GLB1L: variants seen among roughly 807,000 people sequenced by gnomAD.
GLB1L encodes the protein galactosidase beta 1 like, also known as beta-galactosidase-1-like protein.
In GLB1L, 58 loss-of-function variants were observed where a neutral mutation model predicts 75.7. That is an observed-to-expected ratio of 0.77 (90% CI 0.62 to 0.95). GLB1L has a LOEUF of 0.95. Ranked by LOEUF, GLB1L falls within the 40% of genes least tolerant of loss-of-function variation. The pLI, the probability that GLB1L is intolerant of heterozygous loss-of-function variation, is 0.00. For synonymous variants in GLB1L, 296 were observed against 303.0 expected, an observed-to-expected ratio of 0.98 and a Z score of 0.24; for missense variants, 797 against 805.5, an observed-to-expected ratio of 0.99 and a Z score of 0.13.
intron 15 of GLB1L, 46 bp downstream of exon 15, chr2:219,237,780 T>G (rs111453996): frequency 1.9e-6 from 3 of 1,612,940 alleles, no homozygotes; most frequent in Admixed American, 1.7e-5. Context: ...GAAGCTAAGT[T>G]ATCCTTAATC....
chr2:219,237,987 G>T (rs752975436), intron 14 of GLB1L, 30 bp from the exon 15 acceptor site: 6 of 1,611,890 alleles, frequency 3.7e-6, no homozygotes, highest in African/African-American at 1.3e-5. Context: ...TAGGAGCAAG[G>T]CTCAGCATCT....
In GLB1L at chr2:219,236,841, T is replaced by A. The variant is rs1216128535; in HGVS notation, c.*231A>T. ...GTGCAGTGGTACAACCTCCACTCACTGCAACCTCTGCCTCCTGGATTCAAG... is the reference window on the plus strand; with the variant it reads ...GTGCAGTGGTACAACCTCCACTCACAGCAACCTCTGCCTCCTGGATTCAAG... On this transcript the variant is annotated 3_prime_UTR_variant, in exon 17 of 17. Transcript: ENST00000295759. 2 of 378,296 alleles carry A rather than the reference T, an allele frequency of 5.3e-6. No individual in the cohort carries two copies. Among genetic ancestry groups the A allele is most frequent in the African/African-American group, 4.5e-5 (2 of 44,508 alleles). The allele number at this position is 378,296 out of a possible 1,614,324, so 23.4% of individuals were successfully genotyped here. A position where few individuals can be genotyped will look rare whatever the true frequency, so the allele number is the denominator to read the frequency against.
rs1199848912 is a variant in GLB1L at position 219,243,294 on chromosome 2, T to C, written c.93A>G (p.Val31=). 3.1e-6 allele frequency: 5 copies of C among 1,601,690 alleles called. No individual in the cohort carries two copies. The East Asian group carries it at 9.0e-5, about 29-fold the overall frequency. ...LLPQADTRSF[V]VDRGHDRFLL... The stretch of plus-strand genomic sequence containing the variant: ...GAAACCGGTCATGACCCCTATCCAC[T>C]ACGAACGACCGAGTGTCTGCCTATA... Residue 31 remains valine (V), a synonymous_variant, in exon 3 of 17, where the codon GTA becomes GTG. Transcript: ENST00000295759.
At position 219,236,863 on chromosome 2, in the gene GLB1L, C is replaced by G; in HGVS notation, c.*209G>C. 2.4e-6 allele frequency: 1 copy of G among 410,958 alleles called. No individual in the cohort carries two copies. The highest frequency in any genetic ancestry group is 4.4e-6 in the Non-Finnish European group (1 of 228,084). The allele number at this position is 410,958 out of a possible 1,614,324, so 25.5% of individuals were successfully genotyped here. A position where few individuals can be genotyped will look rare whatever the true frequency, so the allele number is the denominator to read the frequency against. On this transcript the variant is annotated 3_prime_UTR_variant, in exon 17 of 17. Transcript: ENST00000295759. ...CACTGCAACCTCTGCCTCCTGGATT[C>G]AAGCAATTCTCCTGCCCTCAGCCTC...
chr2:219,244,000 C>CGGGGGT (rs1951465124), intron 1 of GLB1L: 1 of 12,206 alleles, frequency 8.2e-5, no homozygotes, highest in Non-Finnish European at 1.9e-4. Flanking sequence ...CAAGCTACTC[C>CGGGGGT]GAGGGTGGGG....
rs775801104 is a variant in GLB1L at position 219,237,612 on chromosome 2, G to C, written c.1589C>G (p.Pro530Arg). The C allele has an allele frequency of 4.3e-6, 7 of 1,614,120 alleles. No individual in the cohort carries two copies. In the Admixed American group the frequency reaches 1.2e-4, roughly 27 times the overall value. Residue 530 changes from proline to arginine, a missense_variant, in exon 16 of 17, where the codon CCA becomes CGA. Coordinates refer to ENST00000295759, the MANE Select transcript of GLB1L (RefSeq NM_001286423.2). The stretch of plus-strand genomic sequence containing the variant: ...GGGGCCAGAAGGAGCTTGAGGATAT[G>C]GCCATTTTGGCAACTGGAGGGGAAA... ...WWFPLQLPKWPYPQAPSGPTF... is the reference protein window; with the variant it reads ...WWFPLQLPKWRYPQAPSGPTF...
In GLB1L at chr2:219,237,130, T is replaced by C. The variant is rs1424264364; in HGVS notation, c.1907A>G (p.Asn636Ser). Residue 636 changes from asparagine (N) to serine (S), a missense_variant, in exon 17 of 17, where the codon AAT (asparagine) becomes AGT (serine). Physicochemically the swap from Asn to Ser is conservative, Grantham distance 46. Transcript: ENST00000295759. ...STSTLHRTHI[N>S]SLSADTLSAS... ...ACTCAGTGTATCAGCTGAAAGGGAATTGATATGTGTCCTGTGCAAAGTACT... is the reference window on the plus strand; with the variant it reads ...ACTCAGTGTATCAGCTGAAAGGGAACTGATATGTGTCCTGTGCAAAGTACT... The C allele has an allele frequency of 1.2e-6, 2 of 1,613,592 alleles. No homozygotes were observed. Among genetic ancestry groups the C allele is most frequent in the Non-Finnish European group, 1.7e-6 (2 of 1,179,656 alleles).
chr2:219,238,699 A>G lies in GLB1L; in HGVS notation c.1137+6T>C. Reference sequence around the variant, plus strand: ...GGTATAAGAGAAAAGATGTGGAGGAACTTACCAGGTGCAGAGTCACAGGTC... The same window carrying G: ...GGTATAAGAGAAAAGATGTGGAGGAGCTTACCAGGTGCAGAGTCACAGGTC... On this transcript the variant is annotated splice_donor_region_variant and intron_variant, in intron 12 of 16. Transcript: ENST00000295759. 2 of 1,613,578 alleles carry G rather than the reference A, an allele frequency of 1.2e-6. No individual in the cohort carries two copies. Among genetic ancestry groups the G allele is most frequent in the Non-Finnish European group, 1.7e-6 (2 of 1,179,646 alleles).
In GLB1L at chr2:219,243,549, G is replaced by A. The variant is rs755358793; in HGVS notation, c.25C>T (p.Leu9Phe). 6 of 1,614,114 alleles carry A rather than the reference G, an allele frequency of 3.7e-6. No individual in the cohort carries two copies. In the African/African-American group the frequency reaches 6.7e-5, roughly 18 times the overall value. Residue 9 changes from leucine to phenylalanine, a missense_variant, in exon 2 of 17, where the codon CTT becomes TTT. By Grantham distance (22) the Leu-to-Phe change is conservative. Coordinates refer to ENST00000295759, the MANE Select transcript of GLB1L (RefSeq NM_001286423.2). MAPKKLSC[L>F]RSLLLPLSLT... is the part of the protein sequence containing the mutation. ...CTGAGCGGCAGCAGCAGGGAACGAAGGCAGGACAGCTTCTTGGGAGCCATG... is the reference window on the plus strand; with the variant it reads ...CTGAGCGGCAGCAGCAGGGAACGAAAGCAGGACAGCTTCTTGGGAGCCATG...
chr2:219,238,443 A>G, intron 13 of GLB1L, 52 bp downstream of exon 13: 2 of 1,572,500 alleles, frequency 1.3e-6, no homozygotes, highest in South Asian at 1.1e-5. Context: ...ACTTTTGCGT[A>G]TAGCTGTTAA....
At chr2:219,242,433 G>A in intron 5 of GLB1L, 81 bp downstream of exon 5, 1 of 983,208 alleles carries the variant, frequency 1.0e-6, no homozygotes, top group Non-Finnish European at 1.6e-6. Context: ...TCCAATTTGG[G>A]AATGGTCTCT....
chr2:219,238,106 A>G, intron 14 of GLB1L, 144 bp downstream of exon 14: 1 of 1,045,122 alleles, frequency 9.6e-7, no homozygotes, highest in East Asian at 2.4e-5. Flanking sequence ...CCTTAATCAA[A>G]CTCTTCCTCA....
chr2:219,240,406 C>T (rs568387372), intron 5 of GLB1L, 121 bp from the exon 6 acceptor site: 20 of 817,068 alleles, frequency 2.4e-5, no homozygotes, highest in East Asian at 1.3e-4. Flanking sequence ...TATATTTGCA[C>T]GCCAATGAAA....
chr2:219,240,596 T>C (rs925985967), intron 5 of GLB1L, among the ~76,000 whole-genome samples: 3 of 151,530 alleles, frequency 2.0e-5, no homozygotes, highest in Non-Finnish European at 2.9e-5. Context: ...ACAAAAAAAT[T>C]AGCTGGGCAT....
At chr2:219,242,990 A>T (rs748139670) in intron 3 of GLB1L, 72 bp from the exon 4 acceptor site, 185 of 1,594,508 alleles carry the variant, frequency 1.2e-4, no homozygotes, top group Admixed American at 2.7e-4. Context: ...CAGGCCTTGC[A>T]GGGAATCTCC....
chr2:219,243,151 T>C lies in GLB1L; in HGVS notation c.236A>G (p.Gln79Arg), dbSNP rs1245423284. ...KMRWSGLNAI[Q>R]FYVPWNYHEP... ...GGCTCTTGCGAGCACTTCTTACAAC[T>C]GTATGGCGTTGAGGCCGCTCCATCG... The change falls in exon 3 of 17, where the codon CAG (glutamine) becomes CGG (arginine). Residue 79 changes from glutamine to arginine, a missense_variant. Transcript: ENST00000295759. The C allele has an allele frequency of 6.2e-7, 1 of 1,605,552 alleles. No individual in the cohort carries two copies. The highest frequency in any genetic ancestry group is 8.5e-7 in the Non-Finnish European group (1 of 1,176,036).
rs756552569 is a variant in GLB1L at position 219,237,866 on chromosome 2, A to C, written c.1433T>G (p.Met478Arg). The change falls in exon 15 of 17, where the codon ATG becomes AGG. Residue 478 changes from methionine (M) to arginine (R), a missense_variant. By Grantham distance (91) the Met-to-Arg change is moderately conservative (BLOSUM62 -1). Transcript: ENST00000295759. ...GSKLDILVENMGRLSFGSNSS... is the reference protein window; with the variant it reads ...GSKLDILVENRGRLSFGSNSS... ...GTTAGACCCAAAGCTGAGCCTCCCC[A>C]TGTTCTCCACCAAGATATCCAGTTT... 3.1e-6 allele frequency: 5 copies of C among 1,614,138 alleles called. No individual in the cohort carries two copies. Among genetic ancestry groups the C allele is most frequent in the Non-Finnish European group, 4.2e-6 (5 of 1,180,012 alleles).
At chr2:219,241,203 AC>A (rs1212151507) in intron 5 of GLB1L, among the ~76,000 whole-genome samples, 1 of 151,610 alleles carries the variant, frequency 6.6e-6, no homozygotes, top group African/African-American at 2.4e-5. Context: ...ACACAGTGAA[AC>A]CCCATCTCTA....
chr2:219,242,892 G>C lies in GLB1L; in HGVS notation c.266C>G (p.Pro89Arg), dbSNP rs1351271527. The C allele has an allele frequency of 6.2e-7, 1 of 1,614,228 alleles. No individual in the cohort carries two copies. Among genetic ancestry groups the C allele is most frequent in the South Asian group, 1.1e-5 (1 of 91,090 alleles). The change falls in exon 4 of 17, where the codon CCA (proline) becomes CGA (arginine). Residue 89 changes from proline to arginine, a missense_variant. Physicochemically the swap from Pro to Arg is moderately radical, Grantham distance 103 (BLOSUM62 -2). Transcript: ENST00000295759. ...ATTAAAGTTATAGACCCCAGGCTGT[G>C]GCTCGTGGTAGTTCCAGGGCACATA... ...QFYVPWNYHE[P>R]QPGVYNFNGS... is the part of the protein sequence containing the mutation.
Sources: allele counts gnomAD v4.1 joint callset (sites outside exome capture counted in the v4.1 genomes callset), GRCh38; gene constraint gnomAD v4.1.1; transcripts MANE v1.5; gene names NCBI Gene and HGNC (gene_info 2026-07-23, HGNC 2026-07-21).